PCDH15: variants seen among roughly 807,000 people sequenced by gnomAD.
The protein encoded by PCDH15 is protocadherin-15.
PCDH15 carries 129 observed loss-of-function variants against 178.5 expected under a neutral mutation model. The observed-to-expected ratio is 0.72, with a 90% CI of 0.63 to 0.84. PCDH15 has a LOEUF of 0.84. Ranked by LOEUF, PCDH15 falls within the 40% of genes least tolerant of loss-of-function variation. The pLI is 0.00. For synonymous variants in PCDH15, 800 were observed against 732.0 expected (o/e 1.09, Z -1.50); for missense variants, 2,230 against 2,099.9 (o/e 1.06, Z -1.21).
At chr10:55,005,207 A>AAATAAT (rs373796184) in intron 2 of PCDH15, among the ~76,000 whole-genome samples, 3 of 103,334 alleles carry the variant, frequency 2.9e-5, no homozygotes, top group African/African-American at 2.8e-5. Flanking sequence ...CCCTGTCTCT[A>AAATAAT]AATAATAATA....
intron 2 of PCDH15, among the ~76,000 whole-genome samples, chr10:55,054,076 C>T (rs1391082532): frequency 6.6e-6 from 1 of 152,078 alleles, no homozygotes; most frequent in African/African-American, 2.4e-5. Context: ...TATTTCATTA[C>T]CAGGTATTAA....
intron 14 of PCDH15, among the ~76,000 whole-genome samples, chr10:54,149,265 T>A (rs2044279994): frequency 6.6e-6 from 1 of 152,184 alleles, no homozygotes; most frequent in South Asian, 2.1e-4. Context: ...TTATATTCTT[T>A]ATATACTTTA....
intron 6 of PCDH15, among the ~76,000 whole-genome samples, chr10:54,343,914 T>A (rs112421857): frequency 1.3e-5 from 2 of 152,246 alleles, no homozygotes; most frequent in African/African-American, 4.8e-5. Context: ...ATAAAATAGT[T>A]ATGGTGAAGA....
At chr10:54,155,727 G>A (rs562405734) in intron 13 of PCDH15, among the ~76,000 whole-genome samples, 336 of 150,166 alleles carry the variant, frequency 2.2e-3, no homozygotes, top group Middle Eastern at 0.01. Flanking sequence ...AACCTGAGAG[G>A]CAGAGGTTGC....
At chr10:55,100,914 G>A (rs1211657592) in intron 2 of PCDH15, among the ~76,000 whole-genome samples, 1 of 152,124 alleles carries the variant, frequency 6.6e-6, no homozygotes, top group East Asian at 1.9e-4. Flanking sequence ...CAAAGAAAGA[G>A]TAATTCACTG....
At chr10:53,872,006 A>G (rs1446901971) in intron 26 of PCDH15, among the ~76,000 whole-genome samples, 3 of 152,082 alleles carry the variant, frequency 2.0e-5, no homozygotes, top group African/African-American at 4.8e-5. Context: ...TTAGCCAGGC[A>G]TGGCTTCCCC....
intron 2 of PCDH15, among the ~76,000 whole-genome samples, chr10:55,557,666 G>A (rs992988944): frequency 6.6e-6 from 1 of 152,078 alleles, no homozygotes; most frequent in Non-Finnish European, 1.5e-5. Context: ...CTTAATAGAT[G>A]GGTTTGCTTA....
At chr10:55,200,533 C>A (rs1049820798) in intron 1 of PCDH15, among the ~76,000 whole-genome samples, 1 of 151,974 alleles carries the variant, frequency 6.6e-6, no homozygotes, top group African/African-American at 2.4e-5. Context: ...TTGAGTTAAT[C>A]CTGGAACGAG....
intron 1 of PCDH15, among the ~76,000 whole-genome samples, chr10:55,307,887 T>C (rs904499000): frequency 1.3e-5 from 2 of 152,086 alleles, no homozygotes; most frequent in African/African-American, 2.4e-5. Flanking sequence ...ATGCAATTAT[T>C]ACTAACGAGA....
chr10:55,329,894 A>G (rs931734826), intron 2 of PCDH15, among the ~76,000 whole-genome samples: 2 of 151,768 alleles, frequency 1.3e-5, no homozygotes, highest in Non-Finnish European at 3.0e-5. Context: ...ACAAATATGT[A>G]ACTGTTTAAT....
intron 14 of PCDH15, among the ~76,000 whole-genome samples, chr10:54,146,332 G>A (rs140400993): frequency 1.1e-3 from 165 of 151,914 alleles, no homozygotes; most frequent in Non-Finnish European, 1.9e-3. Flanking sequence ...AATTTAAAAC[G>A]TATGTTAGCC....
At chr10:54,072,229 T>G (rs778752925) in intron 17 of PCDH15, among the ~76,000 whole-genome samples, 5 of 152,178 alleles carry the variant, frequency 3.3e-5, no homozygotes, top group African/African-American at 7.2e-5. Context: ...AATCATTTTT[T>G]GTTTAGGCCA....
At chr10:54,811,291 A>G (rs933560365) in intron 3 of PCDH15, among the ~76,000 whole-genome samples, 5 of 152,054 alleles carry the variant, frequency 3.3e-5, no homozygotes, top group African/African-American at 1.2e-4. Context: ...AGGATAAAAA[A>G]CACATATAGA....
At chr10:55,030,348 T>C (rs182642638) in intron 2 of PCDH15, among the ~76,000 whole-genome samples, 65 of 152,324 alleles carry the variant, frequency 4.3e-4, no homozygotes, top group Non-Finnish European at 8.1e-4. Context: ...ATCATCTGTC[T>C]GTTTGATTTT....
chr10:54,390,907 C>A (rs61052885), intron 3 of PCDH15, among the ~76,000 whole-genome samples: 1 of 151,974 alleles, frequency 6.6e-6, no homozygotes, highest in East Asian at 1.9e-4. Flanking sequence ...CTTTTCTTCC[C>A]CAGTGCCAAT....
At chr10:55,054,950 C>A (rs1841259979) in intron 2 of PCDH15, among the ~76,000 whole-genome samples, 1 of 152,156 alleles carries the variant, frequency 6.6e-6, no homozygotes, top group Non-Finnish European at 1.5e-5. Flanking sequence ...CAAAGCTTTT[C>A]CCCATTCTGT....
At position 54,624,333 on chromosome 10, in the gene PCDH15, A is replaced by T. The variant is rs138381225; in HGVS notation, c.91+39839T>A. ...GAACCACTTGTCTAGAGTTTAAAAGAATTAGTAGCAAAAATATTACAAAAT... is the reference window on the plus strand; with the variant it reads ...GAACCACTTGTCTAGAGTTTAAAAGTATTAGTAGCAAAAATATTACAAAAT... On this transcript the variant is annotated intron_variant, in intron 2 of 37. Coordinates refer to ENST00000644397, the MANE Select transcript of PCDH15 (RefSeq NM_001384140.1). Among the ~76,000 whole-genome samples, 245 of 152,328 alleles carry T rather than the reference A, an allele frequency of 1.6e-3. 1 individual carries two copies. Among genetic ancestry groups the T allele is most frequent in the African/African-American group, 5.5e-3 (230 of 41,576 alleles).
In PCDH15 at chr10:53,804,245, T is replaced by C. The variant is rs904260352; in HGVS notation, c.*2334A>G. On this transcript the variant is annotated 3_prime_UTR_variant, in exon 38 of 38. Coordinates refer to ENST00000644397, the MANE Select transcript of PCDH15 (RefSeq NM_001384140.1). ...ACTGAAATGATCAAGTTTAAATTAC[T>C]GAAATGTGTCTGCTAAGTGGCTTGT... The C allele has an allele frequency of 6.6e-6, 1 of 151,998 alleles. No homozygotes were observed. The highest frequency in any genetic ancestry group is 1.5e-5 in the Non-Finnish European group (1 of 67,898). 9.4% of individuals were successfully genotyped at this position (151,998 alleles called of 1,614,324 possible).
At chr10:54,531,395 T>C (rs999305551) in intron 2 of PCDH15, among the ~76,000 whole-genome samples, 1 of 152,210 alleles carries the variant, frequency 6.6e-6, no homozygotes, top group Non-Finnish European at 1.5e-5. Context: ...AATATTCATA[T>C]GCAATAGATG....
Sources: gnomAD v4.1 joint callset for allele counts (sites outside exome capture counted in the v4.1 genomes callset) on GRCh38, gnomAD v4.1.1 for gene constraint, MANE v1.5 for transcripts, NCBI Gene and HGNC (gene_info 2026-07-23, HGNC 2026-07-21) for gene names.